The following LINGO2 variants were observed in gnomAD, a reference collection of about 807,000 sequenced individuals.
LINGO2 encodes the protein leucine-rich repeat and immunoglobulin-like domain-containing nogo receptor-interacting protein 2.
In LINGO2, 14 loss-of-function variants were observed where a neutral mutation model predicts 30.6. The ratio of observed to expected loss-of-function variants is 0.46; its 90% CI spans 0.30 to 0.72. The LOEUF (loss-of-function observed/expected upper bound fraction) is 0.72. Among genes scored for constraint, LINGO2 ranks in the 30% least tolerant of loss-of-function variants. LINGO2 has a pLI of 0.07. For synonymous variants in LINGO2, 317 were observed against 288.5 expected, an observed-to-expected ratio of 1.10 and a Z score of -1.00; for missense variants, 729 against 751.7, an observed-to-expected ratio of 0.97 and a Z score of 0.35.
the LINGO2 span, among the ~76,000 whole-genome samples, chr9:28,882,355 C>T: frequency 3.3e-5 from 5 of 152,126 alleles, no homozygotes; most frequent in Non-Finnish European, 5.9e-5. Context: ...GTTAGACAGT[C>T]CTGAGTTTGA....
intron 1 of LINGO2, among the ~76,000 whole-genome samples, chr9:28,545,214 G>A (rs563202068): frequency 6.6e-6 from 1 of 152,140 alleles, no homozygotes; most frequent in South Asian, 2.1e-4. Context: ...ACTGAGGGGA[G>A]GCAGACAAGG....
chr9:28,133,175 C>T (rs1827424210), intron 4 of LINGO2, among the ~76,000 whole-genome samples: 1 of 152,016 alleles, frequency 6.6e-6, no homozygotes, highest in Non-Finnish European at 1.5e-5. Flanking sequence ...CACAAGTAAA[C>T]TTTGAAATAT....
At chr9:28,715,790 A>T in the LINGO2 span, among the ~76,000 whole-genome samples, 3 of 152,112 alleles carry the variant, frequency 2.0e-5, no homozygotes, top group African/African-American at 7.2e-5. Flanking sequence ...GAGTTGAAGA[A>T]TAACTTAGAA....
chr9:28,864,676 C>T, the LINGO2 span, among the ~76,000 whole-genome samples: 2 of 151,958 alleles, frequency 1.3e-5, no homozygotes, highest in African/African-American at 2.4e-5. Context: ...GGCAGTTCAC[C>T]ACTGTCAGTG....
chr9:28,306,914 G>T (rs1008732575), intron 3 of LINGO2, among the ~76,000 whole-genome samples: 2 of 151,932 alleles, frequency 1.3e-5, no homozygotes, highest in Admixed American at 1.3e-4. Flanking sequence ...CAATAACAAG[G>T]TCTGAAATTG....
chr9:28,335,330 G>A (rs776538684), intron 3 of LINGO2, among the ~76,000 whole-genome samples: 2 of 152,142 alleles, frequency 1.3e-5, no homozygotes, highest in African/African-American at 4.8e-5. Flanking sequence ...ATATAGAGAG[G>A]TCTTCACAGA....
In LINGO2 at chr9:28,500,539, G is replaced by A. The variant is rs144299070; in HGVS notation, c.-364-24514C>T. 8.2e-4 allele frequency among the ~76,000 whole-genome samples: 125 copies of A among 152,180 alleles called. 1 individual carries two copies. In the East Asian group the frequency reaches 0.023, roughly 28 times the overall value. On this transcript the variant is annotated intron_variant, in intron 1 of 5. Transcript: ENST00000379992. ...GAGCTAAATAGATTAGATATAAACT[G>A]AAGTCAATTGATTGAAAAATTGAGG... is the stretch of plus-strand genomic sequence containing the variant.
chr9:28,552,509 G>T (rs1388351716), intron 1 of LINGO2, among the ~76,000 whole-genome samples: 1 of 151,752 alleles, frequency 6.6e-6, no homozygotes, highest in East Asian at 1.9e-4. Flanking sequence ...TCCTTTCTTT[G>T]TATCCAGGGT....
chr9:28,673,202 A>G (rs892122541), upstream of LINGO2, among the ~76,000 whole-genome samples: 3 of 152,152 alleles, frequency 2.0e-5, no homozygotes, highest in Non-Finnish European at 4.4e-5. Flanking sequence ...CAAAGCTGTA[A>G]TTCCTAAAAA....
At chr9:28,184,189 A>G (rs1819458684) in intron 4 of LINGO2, among the ~76,000 whole-genome samples, 1 of 152,154 alleles carries the variant, frequency 6.6e-6, no homozygotes, top group Admixed American at 6.6e-5. Flanking sequence ...TTAATGGGAA[A>G]AGGGGAGGTA....
intron 4 of LINGO2, among the ~76,000 whole-genome samples, chr9:28,024,984 C>CGG (rs573901485): frequency 2.3e-4 from 35 of 152,114 alleles, no homozygotes; most frequent in Non-Finnish European, 4.0e-4. Flanking sequence ...GCCTAGCACC[C>CGG]GGGCGAGATC....
chr9:28,046,597 G>C (rs1026771418), intron 4 of LINGO2, among the ~76,000 whole-genome samples: 2 of 152,152 alleles, frequency 1.3e-5, no homozygotes, highest in South Asian at 4.1e-4. Flanking sequence ...TGTTGGACTG[G>C]CTAATTCTTA....
At chr9:28,390,133 A>G in intron 2 of LINGO2, among the ~76,000 whole-genome samples, 1 of 152,178 alleles carries the variant, frequency 6.6e-6, no homozygotes. Flanking sequence ...ATATTGCCCA[A>G]CTAGTAAATG....
intron 4 of LINGO2, among the ~76,000 whole-genome samples, chr9:28,291,479 A>T (rs545647451): frequency 9.2e-5 from 14 of 152,306 alleles, no homozygotes; most frequent in African/African-American, 3.4e-4. Context: ...AATGGATAAA[A>T]TGCTCTGCCC....
the LINGO2 span, among the ~76,000 whole-genome samples, chr9:28,808,770 A>G: frequency 6.6e-6 from 1 of 152,218 alleles, no homozygotes. Flanking sequence ...GTTCATTTTA[A>G]TATTATCTAT....
intron 3 of LINGO2, among the ~76,000 whole-genome samples, chr9:28,360,684 G>A (rs1479522607): frequency 6.6e-6 from 1 of 152,136 alleles, no homozygotes; most frequent in Admixed American, 6.5e-5. Context: ...GCATGCCTAT[G>A]ATAATGTTTA....
chr9:28,258,899 G>T, intron 4 of LINGO2, among the ~76,000 whole-genome samples: 1 of 149,386 alleles, frequency 6.7e-6, no homozygotes. Flanking sequence ...TTTTCAAATG[G>T]TGCAGTGAAT....
chr9:28,402,291 CT>C (rs766294965), intron 2 of LINGO2, among the ~76,000 whole-genome samples: 4 of 152,050 alleles, frequency 2.6e-5, no homozygotes, highest in South Asian at 2.1e-4. Flanking sequence ...TCTCTCTTTT[CT>C]TTCCCCCCTA....
chr9:29,172,344 A>G, the LINGO2 span, among the ~76,000 whole-genome samples: 1 of 151,438 alleles, frequency 6.6e-6, no homozygotes, highest in African/African-American at 2.4e-5. Context: ...AATTATCAAG[A>G]TGACTCTCCT....
Sources: allele counts gnomAD v4.1 joint callset (sites outside exome capture counted in the v4.1 genomes callset), GRCh38; gene constraint gnomAD v4.1.1; transcripts MANE v1.5; gene names NCBI Gene and HGNC (gene_info 2026-07-23, HGNC 2026-07-21).